The following TRPS1 variants were observed in gnomAD, a reference collection of about 807,000 sequenced individuals.
The protein encoded by TRPS1 is zinc finger transcription factor Trps1.
Under a neutral mutation model 101.2 loss-of-function variants are expected in TRPS1, and 6 were observed. The observed-to-expected ratio is 0.06, with a 90% CI of 0.03 to 0.12. The LOEUF (loss-of-function observed/expected upper bound fraction) is 0.12. Among genes scored for constraint, TRPS1 ranks in the 10% least tolerant of loss-of-function variants. TRPS1 has a pLI of 1.00. For synonymous variants in TRPS1, 578 were observed against 589.8 expected (o/e 0.98, Z 0.29); for missense variants, 1,363 against 1,567.0 (o/e 0.87, Z 2.20).
chr8:115,428,023 G>A lies in TRPS1; in HGVS notation c.2701-9571C>T, dbSNP rs796306673. Among the ~76,000 whole-genome samples, 195 of 152,288 alleles carry A rather than the reference G, an allele frequency of 1.3e-3. 2 individuals are homozygous for A. The highest frequency in any genetic ancestry group is 4.5e-3 in the African/African-American group (187 of 41,578). On this transcript the variant is annotated intron_variant, in intron 5 of 6. Coordinates refer to ENST00000395715, the MANE Select transcript of TRPS1 (RefSeq NM_014112.5). Reference sequence around the variant, plus strand: ...TAGCTGTGAATGAAAGTCTCTCTTTGCTTTTGCAGAAGACTTGGCTAGAGT... The same window carrying A: ...TAGCTGTGAATGAAAGTCTCTCTTTACTTTTGCAGAAGACTTGGCTAGAGT...
intron 5 of TRPS1, among the ~76,000 whole-genome samples, chr8:115,558,533 C>G (rs1197970774): frequency 6.6e-6 from 1 of 152,184 alleles, no homozygotes; most frequent in African/African-American, 2.4e-5. Context: ...AATATTTCTT[C>G]TCAGTGCTGC....
chr8:115,534,389 C>G (rs1329903812), intron 5 of TRPS1, among the ~76,000 whole-genome samples: 3 of 147,802 alleles, frequency 2.0e-5, no homozygotes, highest in Admixed American at 2.0e-4. Flanking sequence ...GCTCTAACCC[C>G]GATACCATCA....
intron 5 of TRPS1, among the ~76,000 whole-genome samples, chr8:115,534,812 C>A (rs1336030556): frequency 6.6e-6 from 1 of 152,050 alleles, no homozygotes; most frequent in Non-Finnish European, 1.5e-5. Context: ...ATTACTTAAT[C>A]CTTTCCTTTT....
intron 5 of TRPS1, among the ~76,000 whole-genome samples, chr8:115,519,766 G>C (rs1011960017): frequency 2.0e-5 from 3 of 151,538 alleles, no homozygotes; most frequent in South Asian, 2.1e-4. Context: ...AAAGTCTTAA[G>C]TCTGTATTTA....
At chr8:115,460,578 G>A (rs1478312525) in intron 5 of TRPS1, among the ~76,000 whole-genome samples, 1 of 151,838 alleles carries the variant, frequency 6.6e-6, no homozygotes. Flanking sequence ...GCAAAATTTT[G>A]CAACTAGATT....
intron 3 of TRPS1, among the ~76,000 whole-genome samples, chr8:115,611,275 A>G (rs1240164132): frequency 6.6e-6 from 1 of 152,180 alleles, no homozygotes; most frequent in Non-Finnish European, 1.5e-5. Context: ...CTGGTTCATA[A>G]TGGAGATATG....
intron 5 of TRPS1, among the ~76,000 whole-genome samples, chr8:115,524,319 C>CTTTTTTTTTTTTT (rs139406462): frequency 3.8e-4 from 27 of 70,710 alleles, no homozygotes; most frequent in Non-Finnish European, 4.6e-4. Flanking sequence ...CTTCTTCTTC[C>CTTTTTTTTTTTTT]TTTTTTTTTT....
At chr8:115,488,472 T>C (rs1814940949) in intron 5 of TRPS1, among the ~76,000 whole-genome samples, 1 of 152,028 alleles carries the variant, frequency 6.6e-6, no homozygotes, top group Admixed American at 6.6e-5. Flanking sequence ...GGGTGGATCA[T>C]GAGGTCAAGA....
chr8:115,555,818 C>A (rs1816804814), intron 5 of TRPS1, among the ~76,000 whole-genome samples: 1 of 151,606 alleles, frequency 6.6e-6, no homozygotes, highest in African/African-American at 2.4e-5. Flanking sequence ...GCCTGAGCAA[C>A]ATGGTAAAAT....
intron 1 of TRPS1, among the ~76,000 whole-genome samples, chr8:115,659,807 G>C (rs1475293409): frequency 6.6e-6 from 1 of 151,864 alleles, no homozygotes; most frequent in African/African-American, 2.4e-5. Context: ...TCTCATTTCA[G>C]AACCAAAATT....
At chr8:115,627,523 A>G (rs1010939731) in intron 1 of TRPS1, among the ~76,000 whole-genome samples, 11 of 151,930 alleles carry the variant, frequency 7.2e-5, no homozygotes, top group Admixed American at 5.3e-4. Context: ...ATCGAAGAGT[A>G]TAAATGTTTC....
intron 4 of TRPS1, among the ~76,000 whole-genome samples, chr8:115,589,554 T>C (rs1024332263): frequency 6.6e-6 from 1 of 152,206 alleles, no homozygotes; most frequent in African/African-American, 2.4e-5. Flanking sequence ...TTTTTTTCAT[T>C]GTTTAAGTAG....
At position 115,533,436 on chromosome 8, in the gene TRPS1, G is replaced by GTTT. The variant is rs1161916592; in HGVS notation, c.2700+53562_2700+53564dup. Among the ~76,000 whole-genome samples, 48 of 34,990 alleles carry GTTT rather than the reference G, an allele frequency of 1.4e-3. 8 individuals carry two copies. Among genetic ancestry groups the GTTT allele is most frequent in the African/African-American group, 1.9e-3 (18 of 9,626 alleles). 23.0% of individuals were successfully genotyped at this position (34,990 alleles called of 152,430 possible). The stretch of plus-strand genomic sequence containing the variant: ...GGGGCCCGCTTCCCACATGTAATCT[G>GTTT]TTTTTTTTTTTTTTTTTTTTTTTCC... On this transcript the variant is annotated intron_variant, in intron 5 of 6. Coordinates refer to ENST00000395715, the MANE Select transcript of TRPS1 (RefSeq NM_014112.5).
intron 5 of TRPS1, among the ~76,000 whole-genome samples, chr8:115,552,036 A>G (rs1816716564): frequency 6.6e-6 from 1 of 152,158 alleles, no homozygotes; most frequent in Non-Finnish European, 1.5e-5. Context: ...ACAAGTCAAC[A>G]TAATAGGAAT....
At chr8:115,452,822 C>T (rs74648590) in intron 5 of TRPS1, among the ~76,000 whole-genome samples, 3,685 of 152,116 alleles carry the variant, frequency 0.024, 140 homozygotes, top group African/African-American at 0.083. Context: ...ACTGAGAAAA[C>T]GAATGTCTCT....
At chr8:115,569,999 T>C (rs1244186646) in intron 5 of TRPS1, among the ~76,000 whole-genome samples, 1 of 152,106 alleles carries the variant, frequency 6.6e-6, no homozygotes, top group African/African-American at 2.4e-5. Flanking sequence ...TTTTAAAACC[T>C]AGAAATGCAC....
chr8:115,500,003 T>C (rs1815274160), intron 5 of TRPS1, among the ~76,000 whole-genome samples: 1 of 151,004 alleles, frequency 6.6e-6, no homozygotes, highest in African/African-American at 2.4e-5. Flanking sequence ...CTAGTATTAT[T>C]TCTGAAGAGT....
chr8:115,414,341 A>G lies in TRPS1; in HGVS notation c.3567T>C (p.Thr1189=). The G allele has an allele frequency of 6.2e-7, 1 of 1,613,982 alleles. No individual in the cohort carries two copies. Residue 1189 remains threonine (T), a synonymous_variant, in exon 7 of 7, where the codon ACT becomes ACC. Coordinates refer to ENST00000395715, the MANE Select transcript of TRPS1 (RefSeq NM_014112.5). The surrounding 1 kb of genome is among the most constrained non-coding windows in gnomAD (Gnocchi z 4.8). ...LAIKHSRPGP[T]ANGASKEKTK... is the part of the protein sequence containing the mutation. ...TTTTCTCCTTGGAGGCACCGTTTGC[A>G]GTTGGCCCAGGTCTGGAATGCTTGA...
chr8:115,418,602 A>C lies in TRPS1; in HGVS notation c.2701-150T>G. Reference sequence around the variant, plus strand: ...AATGAGGTCAGGTTCAATTGTGTTTAATAGGCACCACTGATTTTCATTATA... The same window carrying C: ...AATGAGGTCAGGTTCAATTGTGTTTCATAGGCACCACTGATTTTCATTATA... On this transcript the variant is annotated intron_variant, in intron 5 of 6. Transcript: ENST00000395715. This position sits in a 1 kb window ranked among gnomAD's most constrained non-coding sequence, Gnocchi z 4.3. 1 of 1,026,516 alleles carries C rather than the reference A, an allele frequency of 9.7e-7. No individual in the cohort carries two copies. Among genetic ancestry groups the C allele is most frequent in the Non-Finnish European group, 1.5e-6 (1 of 670,802 alleles). The allele number at this position is 1,026,516 out of a possible 1,614,324, so 63.6% of individuals were successfully genotyped here.
Sources: gnomAD v4.1 joint callset for allele counts (sites outside exome capture counted in the v4.1 genomes callset) on GRCh38, gnomAD v4.1.1 for gene constraint, Gnocchi (gnomAD v3.1) non-coding constraint, MANE v1.5 for transcripts, NCBI Gene and HGNC (gene_info 2026-07-23, HGNC 2026-07-21) for gene names.